The following EYS variants were observed in gnomAD, a reference collection of about 807,000 sequenced individuals.
EYS encodes EGF-like photoreceptor maintenance factor, also known as protein eyes shut homolog.
In EYS, 250 loss-of-function variants were observed where a neutral mutation model predicts 282.1. The ratio of observed to expected loss-of-function variants is 0.89; its 90% CI spans 0.80 to 0.98. EYS has a LOEUF of 0.98. Ranked by LOEUF, EYS falls within the 50% of genes least tolerant of loss-of-function variation. The probability of loss-of-function intolerance (pLI) is 0.00; values close to 1 mark genes in which losing one functional copy is unlikely to be tolerated. For synonymous variants in EYS, 1,355 were observed against 1,282.9 expected (o/e 1.06, Z -1.20); for missense variants, 4,016 against 3,709.0 (o/e 1.08, Z -2.15).
intron 19 of EYS, among the ~76,000 whole-genome samples, chr6:64,883,908 A>G (rs1257257255): frequency 6.6e-6 from 1 of 151,534 alleles, no homozygotes; most frequent in African/African-American, 2.4e-5. Flanking sequence ...AATGGCTTTA[A>G]ATAGTCAACT....
chr6:64,311,435 T>C (rs1226540557), intron 29 of EYS, among the ~76,000 whole-genome samples: 3 of 152,244 alleles, frequency 2.0e-5, no homozygotes, highest in Non-Finnish European at 4.4e-5. Context: ...TTCTCAAATA[T>C]AGTTCTTATT....
chr6:64,828,216 A>T (rs1346694659), intron 19 of EYS, among the ~76,000 whole-genome samples: 1 of 151,858 alleles, frequency 6.6e-6, no homozygotes, highest in African/African-American at 2.4e-5. Context: ...AAACACCTGG[A>T]GGTAAAAAGA....
intron 30 of EYS, among the ~76,000 whole-genome samples, chr6:64,252,273 A>G (rs1767243400): frequency 6.6e-6 from 1 of 152,082 alleles, no homozygotes; most frequent in Admixed American, 6.6e-5. Flanking sequence ...CTTCCTATAT[A>G]GCCCAAATTC....
intron 31 of EYS, among the ~76,000 whole-genome samples, chr6:64,191,364 G>C (rs1441787474): frequency 6.6e-6 from 1 of 151,496 alleles, no homozygotes; most frequent in Admixed American, 6.6e-5. Context: ...TAAGTTTTAG[G>C]GTACATGTGC....
intron 19 of EYS, among the ~76,000 whole-genome samples, chr6:64,841,944 C>G (rs1054171760): frequency 2.6e-5 from 4 of 152,042 alleles, no homozygotes; most frequent in African/African-American, 7.2e-5. Flanking sequence ...GGAAATCAAG[C>G]AAGTGATGGA....
intron 19 of EYS, among the ~76,000 whole-genome samples, chr6:64,869,486 A>G (rs7755794): frequency 0.52 from 78,868 of 151,180 alleles, 21,880 homozygotes; most frequent in Non-Finnish European, 0.61. Context: ...TAAAAAAAAG[A>G]TGACATAGTG....
intron 22 of EYS, among the ~76,000 whole-genome samples, chr6:64,666,801 C>T (rs943613697): frequency 2.0e-5 from 3 of 152,190 alleles, no homozygotes; most frequent in Admixed American, 2.0e-4. Context: ...CCTACTTTCT[C>T]CTCACAACCT....
intron 30 of EYS, among the ~76,000 whole-genome samples, chr6:64,254,576 G>A (rs1016639456): frequency 1.3e-5 from 2 of 152,040 alleles, no homozygotes. Flanking sequence ...ACATCAAGAT[G>A]GCTGCATTCC....
At chr6:65,481,724 ATTTTTAT>A (rs760138321) in intron 5 of EYS, among the ~76,000 whole-genome samples, 47 of 151,842 alleles carry the variant, frequency 3.1e-4, no homozygotes, top group East Asian at 1.2e-3. Flanking sequence ...AATTTTTTGT[ATTTTTAT>A]TTTTTATTTT....
At chr6:64,336,314 G>A (rs1770850498) in intron 29 of EYS, among the ~76,000 whole-genome samples, 1 of 152,082 alleles carries the variant, frequency 6.6e-6, no homozygotes, top group Non-Finnish European at 1.5e-5. Flanking sequence ...GACGCCAAAA[G>A]CCAGCAGAGT....
At position 64,838,137 on chromosome 6, in the gene EYS, G is replaced by A. The variant is rs143217940; in HGVS notation, c.2993-15315C>T. 2.7e-3 allele frequency among the ~76,000 whole-genome samples: 404 copies of A among 151,808 alleles called. 6 individuals carry two copies. The highest frequency in any genetic ancestry group is 7.5e-4 in the Non-Finnish European group (51 of 67,828). On this transcript the variant is annotated intron_variant, in intron 19 of 42. Transcript: ENST00000503581. ...AAACACATTGATGTATTATTGCTTA[G>A]TCTTTTATTTTTAGTGTTTCTGTGC...
chr6:65,629,336 A>T (rs1175432896), intron 2 of EYS, among the ~76,000 whole-genome samples: 1 of 152,184 alleles, frequency 6.6e-6, no homozygotes, highest in African/African-American at 2.4e-5. Context: ...GTTAACAAGA[A>T]TTCTGGACAG....
chr6:65,115,043 C>G (rs766362617), intron 12 of EYS, among the ~76,000 whole-genome samples: 1 of 151,942 alleles, frequency 6.6e-6, no homozygotes, highest in Non-Finnish European at 1.5e-5. Context: ...GTTCCTGTTT[C>G]TCGGCCTACT....
At chr6:64,909,257 A>T (rs193100604) in intron 16 of EYS, among the ~76,000 whole-genome samples, 1 of 152,298 alleles carries the variant, frequency 6.6e-6, no homozygotes, top group African/African-American at 2.4e-5. Context: ...AAGCAGTTAC[A>T]AGATAGATAT....
At chr6:64,352,280 G>A (rs868290037) in intron 29 of EYS, among the ~76,000 whole-genome samples, 1 of 151,434 alleles carries the variant, frequency 6.6e-6, no homozygotes, top group East Asian at 2.0e-4. Flanking sequence ...ATTTTGGTTG[G>A]TCTTTATCTG....
At chr6:64,997,249 T>C (rs1158010093) in intron 14 of EYS, among the ~76,000 whole-genome samples, 1 of 152,114 alleles carries the variant, frequency 6.6e-6, no homozygotes, top group East Asian at 1.9e-4. Context: ...TAGATAAAAA[T>C]AGGTGGCCGT....
intron 31 of EYS, among the ~76,000 whole-genome samples, chr6:64,117,198 G>C (rs953379821): frequency 6.6e-6 from 1 of 151,964 alleles, no homozygotes; most frequent in Non-Finnish European, 1.5e-5. Flanking sequence ...AACTTAAGAA[G>C]TGTATTTTCT....
intron 13 of EYS, among the ~76,000 whole-genome samples, chr6:65,009,923 G>A (rs1443917919): frequency 1.3e-5 from 2 of 152,146 alleles, no homozygotes; most frequent in Non-Finnish European, 2.9e-5. Flanking sequence ...TGGCATAACA[G>A]GTTTCTGCCG....
intron 12 of EYS, among the ~76,000 whole-genome samples, chr6:65,134,251 T>C (rs1775959796): frequency 6.6e-6 from 1 of 151,790 alleles, no homozygotes; most frequent in Non-Finnish European, 1.5e-5. Flanking sequence ...GACCCAGCAA[T>C]TTCAAAGGAA....
Sources: allele counts gnomAD v4.1 joint callset (sites outside exome capture counted in the v4.1 genomes callset), GRCh38; gene constraint gnomAD v4.1.1; transcripts MANE v1.5; gene names NCBI Gene and HGNC (gene_info 2026-07-23, HGNC 2026-07-21).